Variants in EGFLAM observed in about 807,000 individuals in gnomAD.
The protein encoded by EGFLAM is EGF like, fibronectin type III and laminin G domains, also known as pikachurin.
In EGFLAM, 79 loss-of-function variants were observed where a neutral mutation model predicts 113.1. That is an observed-to-expected ratio of 0.70 (90% CI 0.58 to 0.84). The LOEUF is 0.84. EGFLAM is among the 40% of genes least tolerant of loss of function. The probability of loss-of-function intolerance (pLI) is 0.00; values close to 1 mark genes in which losing one functional copy is unlikely to be tolerated. For missense variants in EGFLAM, 1,265 were observed against 1,291.6 expected (o/e 0.98, Z 0.32); for synonymous variants, 504 against 487.6 (o/e 1.03, Z -0.44).
intron 6 of EGFLAM, among the ~76,000 whole-genome samples, chr5:38,394,558 C>G (rs538269005): frequency 6.6e-6 from 1 of 151,478 alleles, no homozygotes; most frequent in East Asian, 2.0e-4. Context: ...TACAGGCACC[C>G]GCCACCACGC....
rs546117834 is a variant in EGFLAM at position 38,270,263 on chromosome 5, G to A, written c.97+11412G>A. 7.2e-5 allele frequency among the ~76,000 whole-genome samples: 11 copies of A among 152,264 alleles called. No homozygotes were observed. The South Asian group carries it at 2.3e-3, about 32-fold the overall frequency. On this transcript the variant is annotated intron_variant, in intron 1 of 21. Coordinates refer to ENST00000322350, the MANE Select transcript of EGFLAM (RefSeq NM_152403.4). The stretch of plus-strand genomic sequence containing the variant: ...CAAAATCTTTTCAGATGTCTTCTAT[G>A]GAAAACCCTTTTGGGATCTCAAGGA...
rs1742689706 is a variant in EGFLAM, at chr5:38,445,797, G to T, written c.2465-2504G>T. On this transcript the variant is annotated intron_variant, in intron 17 of 21. Transcript: ENST00000322350. ...GGGACCCGGGGTGAGTGGTGTGGGA[G>T]CTGGGACATGCCTACGCGTGGTGGG... The T allele has an allele frequency of 1.5e-5, 19 of 1,300,828 alleles. No individual in the cohort carries two copies. In the South Asian group the frequency reaches 2.0e-4, roughly 14 times the overall value. The allele number at this position is 1,300,828 out of a possible 1,614,324, so 80.6% of individuals were successfully genotyped here.
intron 11 of EGFLAM, among the ~76,000 whole-genome samples, chr5:38,413,185 A>ATTTTTTTTTTTTTTTTTTTTTTTTTTTT (rs34326457): frequency 9.9e-6 from 1 of 100,882 alleles, no homozygotes. Context: ...TGCCTGGCTA[A>ATTTTTTTTTTTTTTTTTTTTTTTTTTTT]TTTTTTTTTT....
chr5:38,397,463 T>C (rs1740991328), intron 6 of EGFLAM, among the ~76,000 whole-genome samples: 1 of 152,154 alleles, frequency 6.6e-6, no homozygotes, highest in African/African-American at 2.4e-5. Context: ...AAAATTTTTA[T>C]CTTTATTTTT....
intron 1 of EGFLAM, among the ~76,000 whole-genome samples, chr5:38,284,562 A>C (rs1010181667): frequency 2.6e-5 from 4 of 152,192 alleles, no homozygotes; most frequent in Non-Finnish European, 5.9e-5. Context: ...CCAAGCCTTC[A>C]GATAGGGAGC....
At chr5:38,266,395 A>G (rs1757636554) in intron 1 of EGFLAM, among the ~76,000 whole-genome samples, 1 of 152,242 alleles carries the variant, frequency 6.6e-6, no homozygotes, top group Admixed American at 6.5e-5. Flanking sequence ...TCCAGGGAAG[A>G]TCCAATACAG....
intron 1 of EGFLAM, among the ~76,000 whole-genome samples, chr5:38,323,028 C>A (rs1379596863): frequency 1.3e-5 from 2 of 152,160 alleles, no homozygotes; most frequent in Non-Finnish European, 2.9e-5. Context: ...ATAGTTGGAA[C>A]AAGTTTCAAA....
At chr5:38,400,262 T>C (rs1244313826) in intron 6 of EGFLAM, among the ~76,000 whole-genome samples, 1 of 152,244 alleles carries the variant, frequency 6.6e-6, no homozygotes, top group East Asian at 1.9e-4. Flanking sequence ...GTGATGCCTT[T>C]ATTAAAACAA....
At chr5:38,283,488 A>G (rs1457729596) in intron 1 of EGFLAM, among the ~76,000 whole-genome samples, 1 of 152,166 alleles carries the variant, frequency 6.6e-6, no homozygotes, top group Non-Finnish European at 1.5e-5. Flanking sequence ...AGTGCCTGCT[A>G]TGTGCCAGGC....
rs534048233 is a variant in EGFLAM, at chr5:38,463,767, C to A, written c.2876-65C>A. On this transcript the variant is annotated intron_variant, in intron 21 of 21. Coordinates refer to ENST00000322350, the MANE Select transcript of EGFLAM (RefSeq NM_152403.4). ...GCCATTCAAGTGCCCCAAACTGGAACCCCGACCTTGCCCTGCGGACACCTG... is the reference window on the plus strand; with the variant it reads ...GCCATTCAAGTGCCCCAAACTGGAAACCCGACCTTGCCCTGCGGACACCTG... 3.1e-5 allele frequency: 49 copies of A among 1,588,530 alleles called. No homozygotes were observed. In the East Asian group the frequency reaches 8.8e-4, roughly 28 times the overall value.
intron 17 of EGFLAM, among the ~76,000 whole-genome samples, chr5:38,443,364 A>G (rs890804997): frequency 6.6e-6 from 1 of 152,332 alleles, no homozygotes; most frequent in Middle Eastern, 3.4e-3. Context: ...TAAACCAACT[A>G]CATGAGCCAA....
chr5:38,385,476 G>C (rs1467668180), intron 6 of EGFLAM, among the ~76,000 whole-genome samples: 1 of 151,892 alleles, frequency 6.6e-6, no homozygotes, highest in Non-Finnish European at 1.5e-5. Context: ...GTATTGTTTA[G>C]GGAATAATGA....
intron 1 of EGFLAM, among the ~76,000 whole-genome samples, chr5:38,272,157 A>G (rs1757780285): frequency 6.6e-6 from 1 of 152,232 alleles, no homozygotes; most frequent in Non-Finnish European, 1.5e-5. Flanking sequence ...TGGGGTTTTA[A>G]GGAGACTCTA....
intron 16 of EGFLAM, among the ~76,000 whole-genome samples, chr5:38,437,921 C>T (rs146102766): frequency 0.016 from 2,377 of 152,112 alleles, 80 homozygotes; most frequent in African/African-American, 0.055. Flanking sequence ...GTCAGGAGTT[C>T]GAGACCAGCC....
At chr5:38,299,149 AC>A in intron 1 of EGFLAM, among the ~76,000 whole-genome samples, 1 of 152,274 alleles carries the variant, frequency 6.6e-6, no homozygotes, top group African/African-American at 2.4e-5. Context: ...TGGTCCAGAG[AC>A]TTTTCTCTTG....
intron 6 of EGFLAM, among the ~76,000 whole-genome samples, chr5:38,385,882 G>A (rs1362663885): frequency 6.6e-6 from 1 of 152,160 alleles, no homozygotes; most frequent in Non-Finnish European, 1.5e-5. Context: ...ACATCCTAGA[G>A]TTGTACTTAG....
intron 12 of EGFLAM, 47 bp from the exon 13 acceptor site, chr5:38,424,920 C>T (rs746886168): frequency 6.2e-7 from 1 of 1,605,200 alleles, no homozygotes; most frequent in African/African-American, 1.3e-5. Flanking sequence ...CTGTGTTGGA[C>T]TGGCACACAT....
intron 5 of EGFLAM, among the ~76,000 whole-genome samples, chr5:38,357,434 A>G (rs945041597): frequency 2.0e-5 from 3 of 152,172 alleles, no homozygotes; most frequent in African/African-American, 7.2e-5. Context: ...TAACAGCCCA[A>G]AGAGACTAAG....
intron 6 of EGFLAM, among the ~76,000 whole-genome samples, chr5:38,389,199 C>T (rs1235279860): frequency 6.6e-6 from 1 of 151,914 alleles, no homozygotes; most frequent in Non-Finnish European, 1.5e-5. Flanking sequence ...GAAGGAAAAC[C>T]CTTAGAAAAT....
Sources: allele counts gnomAD v4.1 joint callset (sites outside exome capture counted in the v4.1 genomes callset), GRCh38; gene constraint gnomAD v4.1.1; transcripts MANE v1.5; gene names NCBI Gene and HGNC (gene_info 2026-07-23, HGNC 2026-07-21).